The following CFAP54 variants were observed in gnomAD, a reference collection of about 807,000 sequenced individuals.
The protein encoded by CFAP54 is cilia- and flagella-associated protein 54.
In CFAP54, 290 loss-of-function variants were observed where a neutral mutation model predicts 370.4. The observed-to-expected ratio is 0.78, with a 90% CI of 0.71 to 0.86. The LOEUF (loss-of-function observed/expected upper bound fraction) is 0.86, where lower values mean the gene tolerates loss of function less well. Ranked by LOEUF, CFAP54 falls within the 40% of genes least tolerant of loss-of-function variation. The pLI is 0.00. For synonymous variants in CFAP54, 1,206 were observed against 1,236.5 expected, an observed-to-expected ratio of 0.98 and a Z score of 0.52; for missense variants, 3,399 against 3,528.7, an observed-to-expected ratio of 0.96 and a Z score of 0.93.
intron 66 of CFAP54, 68 bp from the exon 67 acceptor site, chr12:96,860,751 G>A: frequency 7.2e-7 from 1 of 1,394,072 alleles, no homozygotes; most frequent in African/African-American, 1.5e-5. Context: ...TGCTATTTGG[G>A]TATTTTGAGA....
At chr12:96,846,868 T>C (rs1211904432) in intron 66 of CFAP54, among the ~76,000 whole-genome samples, 1 of 152,156 alleles carries the variant, frequency 6.6e-6, no homozygotes, top group African/African-American at 2.4e-5. Context: ...CAGCTTTTCC[T>C]GACACCAAGC....
intron 42 of CFAP54, among the ~76,000 whole-genome samples, chr12:96,687,170 T>C (rs1957339345): frequency 6.6e-6 from 1 of 152,188 alleles, no homozygotes. Context: ...TCTCTGTCTC[T>C]GACCCTCCTG....
At chr12:96,808,312 C>T (rs980551189) in intron 63 of CFAP54, among the ~76,000 whole-genome samples, 2 of 152,238 alleles carry the variant, frequency 1.3e-5, no homozygotes, top group African/African-American at 4.8e-5. Flanking sequence ...ATTCCTTCCC[C>T]TCTCTCTAAG....
At chr12:96,656,020 A>G (rs1002249590) in intron 36 of CFAP54, among the ~76,000 whole-genome samples, 1 of 152,128 alleles carries the variant, frequency 6.6e-6, no homozygotes, top group African/African-American at 2.4e-5. Flanking sequence ...AGTATGTCCT[A>G]AGAGTTGATA....
chr12:96,560,810 C>G (rs1051962010), intron 17 of CFAP54, among the ~76,000 whole-genome samples: 14 of 152,178 alleles, frequency 9.2e-5, no homozygotes, highest in African/African-American at 3.4e-4. Flanking sequence ...ATATCCTGTT[C>G]CCCAACAGAC....
intron 32 of CFAP54, among the ~76,000 whole-genome samples, chr12:96,634,141 C>T (rs1036351851): frequency 1.4e-5 from 2 of 146,964 alleles, no homozygotes; most frequent in Non-Finnish European, 3.0e-5. Context: ...CTGCAACCTC[C>T]GCCTCCCCGG....
intron 15 of CFAP54, among the ~76,000 whole-genome samples, chr12:96,552,599 C>T (rs957761320): frequency 3.9e-5 from 6 of 152,164 alleles, no homozygotes; most frequent in African/African-American, 1.2e-4. Flanking sequence ...CTGCCTTGGC[C>T]TCCCCAAGTG....
In CFAP54 at chr12:96,720,424, C is replaced by T; in HGVS notation, c.6824C>T (p.Ala2275Val). 6.5e-7 allele frequency: 1 copy of T among 1,546,434 alleles called. No individual in the cohort carries two copies. The highest frequency in any genetic ancestry group is 1.4e-5 in the African/African-American group (1 of 72,460). The change falls in exon 50 of 68, where the codon GCT (alanine) becomes GTT (valine). Residue 2275 changes from alanine to valine, a missense_variant. Around this residue, in one of 3 missense-constraint regions of CFAP54, gnomAD observed 2,796 missense variants for 2,869.7 expected, o/e 0.97. Transcript: ENST00000524981. Reference sequence around the variant, plus strand: ...CCTTAGTCGATGTTACTGATGGAAGCTGAGGACAGGCTAAACTTCCTTCTG... The same window carrying T: ...CCTTAGTCGATGTTACTGATGGAAGTTGAGGACAGGCTAAACTTCCTTCTG... ...SMLKSMLLME[A>V]EDRLNFLLSE...
intron 60 of CFAP54, 45 bp from the exon 61 acceptor site, chr12:96,784,672 G>C: frequency 7.5e-7 from 1 of 1,325,442 alleles, no homozygotes; most frequent in Non-Finnish European, 1.0e-6. Context: ...TTCAAGGAAA[G>C]CATAATATAA....
intron 67 of CFAP54, among the ~76,000 whole-genome samples, chr12:96,867,131 T>C (rs1453570133): frequency 6.6e-6 from 1 of 152,172 alleles, no homozygotes; most frequent in Non-Finnish European, 1.5e-5. Flanking sequence ...ATTTTGTCCT[T>C]TGGAGGCTGG....
At chr12:96,871,797 T>C (rs368581624) in intron 67 of CFAP54, among the ~76,000 whole-genome samples, 2 of 152,250 alleles carry the variant, frequency 1.3e-5, no homozygotes, top group Admixed American at 6.5e-5. Context: ...AATTAGGTGC[T>C]ACAGAATTTT....
At chr12:96,648,265 TAG>T (rs1451418686) in intron 34 of CFAP54, among the ~76,000 whole-genome samples, 1 of 152,194 alleles carries the variant, frequency 6.6e-6, no homozygotes, top group Non-Finnish European at 1.5e-5. Context: ...CTTAGCCAAT[TAG>T]ATTGTTCAGC....
chr12:96,825,087 A>G (rs903576323), intron 65 of CFAP54, among the ~76,000 whole-genome samples: 2 of 150,026 alleles, frequency 1.3e-5, no homozygotes, highest in Non-Finnish European at 3.0e-5. Context: ...CTACCAGTTG[A>G]AGTTGCACTA....
intron 39 of CFAP54, among the ~76,000 whole-genome samples, chr12:96,677,660 G>T (rs1268252506): frequency 6.6e-6 from 1 of 152,132 alleles, no homozygotes; most frequent in Non-Finnish European, 1.5e-5. Context: ...AGAAGAATGA[G>T]AGCTTCCAGG....
At chr12:96,579,312 T>C (rs148530579) in intron 20 of CFAP54, among the ~76,000 whole-genome samples, 208 of 152,242 alleles carry the variant, frequency 1.4e-3, no homozygotes, top group African/African-American at 4.7e-3. Context: ...GAAATGTTCT[T>C]TGGAAAGACA....
At chr12:96,770,993 C>T (rs1037355715) in intron 60 of CFAP54, among the ~76,000 whole-genome samples, 5 of 152,182 alleles carry the variant, frequency 3.3e-5, no homozygotes, top group South Asian at 4.1e-4. Context: ...CTCTGCCCTT[C>T]GCAATCCAAA....
chr12:96,666,457 A>G (rs993444919), intron 39 of CFAP54, among the ~76,000 whole-genome samples: 1 of 152,206 alleles, frequency 6.6e-6, no homozygotes, highest in Admixed American at 6.5e-5. Context: ...TTTATAAACA[A>G]AAAGAGGTTT....
chr12:96,697,475 T>C (rs770620418), intron 45 of CFAP54, among the ~76,000 whole-genome samples: 11 of 152,198 alleles, frequency 7.2e-5, no homozygotes, highest in Non-Finnish European at 1.3e-4. Flanking sequence ...TGCAACTCAA[T>C]AGACAAGCTA....
chr12:96,781,316 A>T (rs531031919), intron 60 of CFAP54, among the ~76,000 whole-genome samples: 82 of 152,310 alleles, frequency 5.4e-4, no homozygotes, highest in Admixed American at 2.2e-3. Context: ...GGTCCAAATA[A>T]GAAGCGAATT....
Sources: allele counts gnomAD v4.1 joint callset (sites outside exome capture counted in the v4.1 genomes callset), GRCh38; gene constraint gnomAD v4.1.1; regional missense constraint gnomAD v4.1.1; transcripts MANE v1.5; gene names NCBI Gene and HGNC (gene_info 2026-07-23, HGNC 2026-07-21).